Variants in PTPRO observed in about 807,000 individuals in gnomAD.
PTPRO encodes the protein protein tyrosine phosphatase receptor type O, also known as receptor-type tyrosine-protein phosphatase O.
Under a neutral mutation model 145.2 loss-of-function variants are expected in PTPRO, and 62 were observed. That is an observed-to-expected ratio of 0.43 (90% CI 0.35 to 0.53). PTPRO has a LOEUF of 0.53. PTPRO is among the 20% of genes least tolerant of loss of function. The pLI, the probability that PTPRO is intolerant of heterozygous loss-of-function variation, is 0.01. For synonymous variants in PTPRO, 565 were observed against 514.7 expected (o/e 1.10, Z -1.32); for missense variants, 1,345 against 1,482.7 (o/e 0.91, Z 1.53).
intron 1 of PTPRO, among the ~76,000 whole-genome samples, chr12:15,393,874 C>T (rs1410682062): frequency 6.6e-6 from 1 of 152,126 alleles, no homozygotes; most frequent in African/African-American, 2.4e-5. Context: ...GAGATCCCAT[C>T]TTGTGAAGGC....
intron 1 of PTPRO, among the ~76,000 whole-genome samples, chr12:15,356,719 G>T (rs1243737149): frequency 1.3e-5 from 2 of 152,070 alleles, no homozygotes; most frequent in Non-Finnish European, 2.9e-5. Context: ...CTGAAAATCA[G>T]TTCATTTCTT....
chr12:15,502,599 G>C (rs1942244629), intron 5 of PTPRO, among the ~76,000 whole-genome samples: 1 of 152,166 alleles, frequency 6.6e-6, no homozygotes, highest in South Asian at 2.1e-4. Context: ...GAAGCTGATA[G>C]TAAAATGGAA....
Position 15,587,238 on chromosome 12 carries a change from C to T in PTPRO, c.3410+187C>T. 1.2e-5 allele frequency: 8 copies of T among 654,050 alleles called. No individual in the cohort carries two copies. The South Asian group carries it at 1.6e-4, about 13-fold the overall frequency. 40.5% of individuals were successfully genotyped at this position (654,050 alleles called of 1,614,324 possible). The stretch of plus-strand genomic sequence containing the variant: ...ATTCTGGCTTTCCTGTATCTATACC[C>T]TATAAAATAGATGTTATTATTCCAA... On this transcript the variant is annotated intron_variant, in intron 24 of 26. Coordinates refer to ENST00000281171, the MANE Select transcript of PTPRO (RefSeq NM_030667.3).
chr12:15,510,947 A>C (rs1177877361), intron 7 of PTPRO, among the ~76,000 whole-genome samples: 1 of 146,292 alleles, frequency 6.8e-6, no homozygotes, highest in Non-Finnish European at 1.5e-5. Context: ...TGGGCAGATC[A>C]CTTGAGCTCA....
At chr12:15,429,830 C>G (rs560258838) in intron 1 of PTPRO, among the ~76,000 whole-genome samples, 1 of 152,072 alleles carries the variant, frequency 6.6e-6, no homozygotes, top group South Asian at 2.1e-4. Flanking sequence ...GCAATGTGGA[C>G]AGAATCAAGA....
At chr12:15,546,872 C>A (rs1943305287) in intron 13 of PTPRO, among the ~76,000 whole-genome samples, 164 bp downstream of exon 13, 1 of 152,162 alleles carries the variant, frequency 6.6e-6, no homozygotes, top group Non-Finnish European at 1.5e-5. Context: ...AGACCAAGCC[C>A]AAAAGTTGTT....
At chr12:15,383,223 G>T (rs982826896) in intron 1 of PTPRO, among the ~76,000 whole-genome samples, 3 of 152,120 alleles carry the variant, frequency 2.0e-5, no homozygotes, top group Non-Finnish European at 4.4e-5. Context: ...CATAGTAATT[G>T]TTTATCTGTA....
At chr12:15,457,901 C>G (rs1591828797) in intron 1 of PTPRO, among the ~76,000 whole-genome samples, 1 of 152,208 alleles carries the variant, frequency 6.6e-6, no homozygotes, top group South Asian at 2.1e-4. Flanking sequence ...AGCACCATTA[C>G]AGTATTACAG....
At chr12:15,565,416 C>A (rs1943872007) in intron 17 of PTPRO, 177 bp from the exon 18 acceptor site, 1 of 505,510 alleles carries the variant, frequency 2.0e-6, no homozygotes, top group East Asian at 3.3e-5. Flanking sequence ...AAAAATGAAT[C>A]TGAAATTATT....
chr12:15,400,719 C>A (rs778723838), intron 1 of PTPRO, among the ~76,000 whole-genome samples: 22 of 152,150 alleles, frequency 1.4e-4, no homozygotes, highest in Non-Finnish European at 2.5e-4. Context: ...AAATGAGCAC[C>A]TATTTTACAC....
At chr12:15,515,674 G>A in intron 8 of PTPRO, 56 bp downstream of exon 8, 2 of 1,606,582 alleles carry the variant, frequency 1.2e-6, no homozygotes, top group Non-Finnish European at 1.7e-6. Flanking sequence ...TATTGACGGA[G>A]GGGTGCAATG....
At chr12:15,475,885 A>G (rs1020290979) in intron 1 of PTPRO, among the ~76,000 whole-genome samples, 2 of 152,146 alleles carry the variant, frequency 1.3e-5, no homozygotes, top group Non-Finnish European at 2.9e-5. Context: ...AACTTCTATC[A>G]TGGGTATGAT....
intron 1 of PTPRO, among the ~76,000 whole-genome samples, chr12:15,401,036 C>G (rs575342159): frequency 6.6e-6 from 1 of 152,096 alleles, no homozygotes; most frequent in South Asian, 2.1e-4. Flanking sequence ...TTCTATATGC[C>G]CATCAGGTTG....
intron 10 of PTPRO, among the ~76,000 whole-genome samples, chr12:15,521,478 T>A (rs1942720240): frequency 6.6e-6 from 1 of 152,218 alleles, no homozygotes; most frequent in Non-Finnish European, 1.5e-5. Context: ...ACTGTATCAA[T>A]AATTCTTATA....
intron 1 of PTPRO, among the ~76,000 whole-genome samples, chr12:15,385,457 G>A (rs762644289): frequency 3.3e-5 from 5 of 152,118 alleles, no homozygotes; most frequent in Non-Finnish European, 5.9e-5. Flanking sequence ...TGGCCTTGGA[G>A]AGGAAGGAGG....
intron 25 of PTPRO, among the ~76,000 whole-genome samples, chr12:15,594,204 G>A (rs928643131): frequency 6.6e-6 from 1 of 151,864 alleles, no homozygotes; most frequent in Non-Finnish European, 1.5e-5. Context: ...ATTTTTATTT[G>A]TAATGTATTC....
intron 1 of PTPRO, among the ~76,000 whole-genome samples, chr12:15,371,641 G>A (rs1199352600): frequency 2.0e-5 from 3 of 152,102 alleles, no homozygotes; most frequent in Admixed American, 6.6e-5. Context: ...ATTTTATTAC[G>A]TGTATATACA....
At chr12:15,415,230 C>G (rs191035839) in intron 1 of PTPRO, among the ~76,000 whole-genome samples, 2 of 152,164 alleles carry the variant, frequency 1.3e-5, no homozygotes, top group African/African-American at 2.4e-5. Flanking sequence ...CTACCTCCCC[C>G]CCAAAAAAAG....
intron 1 of PTPRO, among the ~76,000 whole-genome samples, chr12:15,331,102 C>T (rs1475059416): frequency 6.6e-6 from 1 of 151,912 alleles, no homozygotes; most frequent in Non-Finnish European, 1.5e-5. Flanking sequence ...TTGAGAGGCA[C>T]CGATTGTTAA....
Sources: gnomAD v4.1 joint callset for allele counts (sites outside exome capture counted in the v4.1 genomes callset) on GRCh38, gnomAD v4.1.1 for gene constraint, MANE v1.5 for transcripts, NCBI Gene and HGNC (gene_info 2026-07-23, HGNC 2026-07-21) for gene names.